PLCH1: variants seen among roughly 807,000 people sequenced by gnomAD.
The protein encoded by PLCH1 is phospholipase C eta 1.
Under a neutral mutation model 126.7 loss-of-function variants are expected in PLCH1, and 60 were observed. The ratio of observed to expected loss-of-function variants is 0.47; its 90% CI spans 0.38 to 0.59. The LOEUF is 0.59. PLCH1 is among the 20% of genes least tolerant of loss of function. The pLI is 0.00. For missense variants in PLCH1, 1,723 were observed against 2,040.0 expected (o/e 0.84, Z 2.99); for synonymous variants, 719 against 734.9 (o/e 0.98, Z 0.35).
At chr3:155,582,198 T>C (rs1425152352) in intron 6 of PLCH1, among the ~76,000 whole-genome samples, 1 of 143,152 alleles carries the variant, frequency 7.0e-6, no homozygotes, top group Non-Finnish European at 1.5e-5. Flanking sequence ...TCTCCCTGCC[T>C]CAGACTCCCA....
intron 7 of PLCH1, among the ~76,000 whole-genome samples, chr3:155,565,496 C>A (rs1329431905): frequency 6.6e-6 from 1 of 151,976 alleles, no homozygotes; most frequent in Non-Finnish European, 1.5e-5. Context: ...TGCTCCAGCT[C>A]AAGCCACGTG....
intron 1 of PLCH1, chr3:155,743,630 G>T: frequency 2.4e-6 from 1 of 409,960 alleles, no homozygotes. Flanking sequence ...AACCCCAAAG[G>T]TGACCAAAAC....
At chr3:155,502,835 G>A (rs1166424873) in intron 13 of PLCH1, among the ~76,000 whole-genome samples, 1 of 152,176 alleles carries the variant, frequency 6.6e-6, no homozygotes, top group African/African-American at 2.4e-5. Flanking sequence ...AGTCTTTGGA[G>A]GTGAACATTT....
chr3:155,614,919 C>T (rs1735594473), intron 2 of PLCH1, among the ~76,000 whole-genome samples: 1 of 151,926 alleles, frequency 6.6e-6, no homozygotes, highest in Non-Finnish European at 1.5e-5. Flanking sequence ...GCAATGAAAA[C>T]AAAGATAAAT....
intron 21 of PLCH1, chr3:155,456,935 G>A (rs1712459349): frequency 6.5e-6 from 1 of 152,720 alleles, no homozygotes; most frequent in South Asian, 2.1e-4. Context: ...TCTCACAGGT[G>A]GAATTCAACA....
At chr3:155,625,942 G>T (rs917412054) in intron 2 of PLCH1, among the ~76,000 whole-genome samples, 1 of 152,126 alleles carries the variant, frequency 6.6e-6, no homozygotes, top group Non-Finnish European at 1.5e-5. Flanking sequence ...GCTTACTGTG[G>T]CACTTTTCAC....
At chr3:155,535,934 C>A (rs1195302838) in intron 10 of PLCH1, among the ~76,000 whole-genome samples, 2 of 152,188 alleles carry the variant, frequency 1.3e-5, no homozygotes, top group African/African-American at 4.8e-5. Flanking sequence ...ACTTCACTCC[C>A]CTGCTACCTC....
chr3:155,744,106 G>C (rs1749811332), intron 1 of PLCH1, among the ~76,000 whole-genome samples: 2 of 152,236 alleles, frequency 1.3e-5, no homozygotes, highest in Admixed American at 6.5e-5. Context: ...AATAGAAAAA[G>C]CCTCGGGAAG....
intron 6 of PLCH1, among the ~76,000 whole-genome samples, chr3:155,581,796 C>A (rs555811915): frequency 6.7e-6 from 1 of 148,774 alleles, no homozygotes; most frequent in African/African-American, 2.5e-5. Flanking sequence ...ACACAGGCTG[C>A]AGTGCAATGA....
At chr3:155,627,533 C>T (rs1378361438) in intron 2 of PLCH1, among the ~76,000 whole-genome samples, 4 of 151,330 alleles carry the variant, frequency 2.6e-5, no homozygotes, top group Admixed American at 2.6e-4. Context: ...ACTTGGGAGG[C>T]TGAGGTGGGA....
At chr3:155,655,282 A>C (rs1320667358) in intron 2 of PLCH1, among the ~76,000 whole-genome samples, 1 of 152,142 alleles carries the variant, frequency 6.6e-6, no homozygotes, top group Non-Finnish European at 1.5e-5. Flanking sequence ...CCAAAAATTT[A>C]AAAATTAGCC....
intron 2 of PLCH1, among the ~76,000 whole-genome samples, chr3:155,650,688 T>A (rs1740609850): frequency 1.3e-5 from 2 of 152,056 alleles, no homozygotes; most frequent in African/African-American, 2.4e-5. Context: ...AAAAGATAAA[T>A]CAGTATTAAA....
At chr3:155,531,868 T>C (rs77189623) in intron 10 of PLCH1, among the ~76,000 whole-genome samples, 5,210 of 152,308 alleles carry the variant, frequency 0.034, 312 homozygotes, top group African/African-American at 0.12. Flanking sequence ...TGCTCTGGAT[T>C]GGGCTTTGGC....
intron 21 of PLCH1, among the ~76,000 whole-genome samples, chr3:155,472,376 A>C (rs1428114558): frequency 6.6e-6 from 1 of 152,216 alleles, no homozygotes; most frequent in African/African-American, 2.4e-5. Context: ...AGACTAAACC[A>C]GGAAGAAGTT....
intron 10 of PLCH1, among the ~76,000 whole-genome samples, chr3:155,543,028 G>T (rs1035123906): frequency 2.0e-5 from 3 of 152,250 alleles, no homozygotes; most frequent in Non-Finnish European, 2.9e-5. Context: ...ACGGAACAAA[G>T]CTGGATGGAC....
chr3:155,607,344 A>G (rs1734493748), intron 2 of PLCH1, among the ~76,000 whole-genome samples: 1 of 152,242 alleles, frequency 6.6e-6, no homozygotes, highest in Non-Finnish European at 1.5e-5. Context: ...TGGCTTAAAG[A>G]AAAATAAGTA....
At chr3:155,648,856 T>C (rs1740354027) in intron 2 of PLCH1, among the ~76,000 whole-genome samples, 1 of 152,044 alleles carries the variant, frequency 6.6e-6, no homozygotes, top group African/African-American at 2.4e-5. Flanking sequence ...TGAGCAACCA[T>C]CAGCCAGGGA....
intron 21 of PLCH1, chr3:155,457,490 T>A (rs1482070387): frequency 2.6e-5 from 4 of 152,194 alleles, no homozygotes; most frequent in Non-Finnish European, 5.9e-5. Context: ...CTAAGCTACC[T>A]GATTGCATGC....
chr3:155,564,988 T>A lies in PLCH1; in HGVS notation c.996A>T (p.Gly332=), dbSNP rs765387107. Residue 332 remains glycine, a synonymous_variant, in exon 8 of 23, where the codon GGA becomes GGT. Transcript: ENST00000460012. ...CTTTGGACTGAGAAAGGAGCTGGTC[T>A]CCAGTCAGGTATGTATTGTGAGAGG... The part of the protein sequence containing the change: ...IASSHNTYLT[G]DQLLSQSKVD... The A allele has an allele frequency of 3.7e-6, 6 of 1,613,900 alleles. No individual in the cohort carries two copies. Among genetic ancestry groups the A allele is most frequent in the Non-Finnish European group, 5.1e-6 (6 of 1,179,784 alleles).
Sources: allele counts gnomAD v4.1 joint callset (sites outside exome capture counted in the v4.1 genomes callset), GRCh38; gene constraint gnomAD v4.1.1; transcripts MANE v1.5; gene names NCBI Gene and HGNC (gene_info 2026-07-23, HGNC 2026-07-21).